Variants in PCDH11Y observed in about 807,000 individuals in gnomAD.
PCDH11Y encodes the protein protocadherin-11 Y-linked.
For synonymous variants in PCDH11Y, 9 were observed against 83.6 expected (o/e 0.11, Z 4.87); for missense variants, 12 against 224.8 (o/e 0.05, Z 6.05).
intron 2 of PCDH11Y, among the ~76,000 whole-genome samples, chrY:5,424,472 C>G: frequency 3.0e-5 from 1 of 33,362 alleles, no homozygotes. Context: ...CCCACCGTGT[C>G]CGGTATTCTC....
chrY:5,325,389 A>G (rs2053117938), intron 2 of PCDH11Y, among the ~76,000 whole-genome samples: 1 of 32,701 alleles, frequency 3.1e-5, no homozygotes, highest in African/African-American at 1.2e-4. Flanking sequence ...TAGAGTGGGA[A>G]AGATTAAGCT....
intron 1 of PCDH11Y, among the ~76,000 whole-genome samples, chrY:5,025,684 A>AT (rs2052577999): frequency 3.1e-5 from 1 of 32,581 alleles, no homozygotes; most frequent in Non-Finnish European, 7.6e-5. Context: ...TTTAATGGAA[A>AT]TTTTTTTTTG....
intron 2 of PCDH11Y, among the ~76,000 whole-genome samples, chrY:5,120,078 C>CT (rs2052815966): frequency 1.5e-4 from 5 of 32,284 alleles, no homozygotes; most frequent in Admixed American, 2.8e-4. Flanking sequence ...AAAGACAGAC[C>CT]TTTTTTTTTC....
At chrY:5,440,768 G>T (rs1602925885) in intron 2 of PCDH11Y, among the ~76,000 whole-genome samples, 131 of 22,917 alleles carry the variant, frequency 5.7e-3, no homozygotes, top group Middle Eastern at 0.03. Flanking sequence ...TAGAGAGAGA[G>T]AGAGAGAGAG....
At chrY:5,378,019 G>A (rs2053200119) in intron 2 of PCDH11Y, among the ~76,000 whole-genome samples, 7 of 33,503 alleles carry the variant, frequency 2.1e-4, no homozygotes, top group Non-Finnish European at 4.4e-4. Flanking sequence ...GATTACAGGC[G>A]TGAGCCACCG....
At position 5,138,924 on chromosome Y, in the gene PCDH11Y, A is replaced by T. The variant is rs1477260889; in HGVS notation, c.3129+38217A>T. Among the ~76,000 whole-genome samples the T allele has an allele frequency of 2.6e-3, 84 of 32,456 alleles. No homozygotes were observed. In the East Asian group the frequency reaches 0.055, roughly 21 times the overall value. The allele number at this position is 32,456 out of a possible 37,273, so 87.1% of individuals were successfully genotyped here. ...GTGTCACCCTAATACCAATATCAAG[A>T]AAGGACGTAACAAAAAAAGAAAACT... is the stretch of plus-strand genomic sequence containing the variant. On this transcript the variant is annotated intron_variant, in intron 2 of 4. Transcript: ENST00000400457.
intron 2 of PCDH11Y, among the ~76,000 whole-genome samples, chrY:5,287,788 A>G (rs2124661498): frequency 2.9e-4 from 9 of 31,340 alleles, no homozygotes; most frequent in African/African-American, 1.1e-3. Flanking sequence ...TAGGGGAGGG[A>G]TAGCATTAGG....
At chrY:5,532,093 C>G in intron 3 of PCDH11Y, among the ~76,000 whole-genome samples, 1 of 29,644 alleles carries the variant, frequency 3.4e-5, no homozygotes, top group East Asian at 8.6e-4. Context: ...TTGTGATATG[C>G]TTTATTTTGT....
At chrY:5,619,012 AAAAG>A (rs2053497213) in intron 4 of PCDH11Y, among the ~76,000 whole-genome samples, 1 of 28,728 alleles carries the variant, frequency 3.5e-5, no homozygotes, top group African/African-American at 1.3e-4. Context: ...GTCTCATAAA[AAAAG>A]AAAGAATGAA....
intron 2 of PCDH11Y, among the ~76,000 whole-genome samples, chrY:5,398,299 G>T: frequency 3.4e-5 from 1 of 29,162 alleles, no homozygotes; most frequent in African/African-American, 1.3e-4. Context: ...TAAACTGATT[G>T]TTATAGCTAA....
chrY:5,385,813 G>C, intron 2 of PCDH11Y, among the ~76,000 whole-genome samples: 2 of 33,327 alleles, frequency 6.0e-5, no homozygotes, highest in Non-Finnish European at 1.5e-4. Flanking sequence ...ATCTTCTGTT[G>C]AGACATGTCT....
chrY:5,716,956 A>G (rs2053590450), intron 4 of PCDH11Y, among the ~76,000 whole-genome samples: 1 of 33,342 alleles, frequency 3.0e-5, no homozygotes, highest in African/African-American at 1.2e-4. Flanking sequence ...ATTTTCTCCA[A>G]AAATGCTGAG....
chrY:5,180,815 GC>G (rs2052899445), intron 2 of PCDH11Y, among the ~76,000 whole-genome samples: 1 of 32,997 alleles, frequency 3.0e-5, no homozygotes, highest in Admixed American at 2.8e-4. Context: ...GTGTGTCTTT[GC>G]CCATGAGCTG....
chrY:5,342,646 AC>A (rs2053146808), intron 2 of PCDH11Y, among the ~76,000 whole-genome samples: 2 of 32,808 alleles, frequency 6.1e-5, no homozygotes, highest in South Asian at 1.4e-3. Flanking sequence ...GTTGGCAGCC[AC>A]CTTTTTTCTT....
chrY:5,108,067 A>C (rs2052796192), downstream of PCDH11Y, among the ~76,000 whole-genome samples: 7 of 25,558 alleles, frequency 2.7e-4, no homozygotes, highest in African/African-American at 2.3e-3. Flanking sequence ...TCAAAAAAAA[A>C]AAAAAAACAA....
chrY:5,602,905 T>C, intron 4 of PCDH11Y, among the ~76,000 whole-genome samples: 1 of 28,866 alleles, frequency 3.5e-5, no homozygotes, highest in African/African-American at 1.3e-4. Context: ...CTTACACATA[T>C]ATATATATAT....
intron 3 of PCDH11Y, among the ~76,000 whole-genome samples, chrY:5,039,875 C>T (rs2052604501): frequency 3.0e-5 from 1 of 32,932 alleles, no homozygotes; most frequent in South Asian, 6.6e-4. Flanking sequence ...CGATGGCTCA[C>T]GCCTGTAATC....
intron 4 of PCDH11Y, among the ~76,000 whole-genome samples, chrY:5,621,444 C>T (rs2053500011): frequency 3.1e-5 from 1 of 32,199 alleles, no homozygotes; most frequent in South Asian, 7.0e-4. Context: ...TAGGAAGAAT[C>T]AATATTGTAA....
At chrY:5,374,026 A>G in intron 2 of PCDH11Y, among the ~76,000 whole-genome samples, 3 of 33,052 alleles carry the variant, frequency 9.1e-5, no homozygotes, top group Admixed American at 2.9e-4. Flanking sequence ...TGTATAAAAT[A>G]TACTTCAACT....
Sources: gnomAD v4.1 joint callset for allele counts (sites outside exome capture counted in the v4.1 genomes callset) on GRCh38, gnomAD v4.1.1 for gene constraint, MANE v1.5 for transcripts, NCBI Gene and HGNC (gene_info 2026-07-23, HGNC 2026-07-21) for gene names.